The following LAMB4 variants were observed in gnomAD, a reference collection of about 807,000 sequenced individuals.
LAMB4 encodes the protein laminin subunit beta-4.
Under a neutral mutation model 199.2 loss-of-function variants are expected in LAMB4, and 196 were observed. The observed-to-expected ratio is 0.98, with a 90% CI of 0.88 to 1.11. The LOEUF (loss-of-function observed/expected upper bound fraction) is 1.11. LAMB4 is among the 50% of genes least tolerant of loss of function. The pLI is 0.00. For synonymous variants in LAMB4, 744 were observed against 770.6 expected (o/e 0.97, Z 0.57); for missense variants, 2,080 against 2,171.2 (o/e 0.96, Z 0.83).
intron 29 of LAMB4, 68 bp from the exon 30 acceptor site, chr7:108,037,663 C>A: frequency 3.3e-6 from 4 of 1,210,796 alleles, no homozygotes; most frequent in South Asian, 1.3e-5. Flanking sequence ...AAAAGTATAA[C>A]CACAATGATG....
Position 108,029,139 on chromosome 7 carries a change from C to T in LAMB4, c.5050G>A (p.Gly1684Arg). 6.2e-7 allele frequency: 1 copy of T among 1,613,844 alleles called. No individual in the cohort carries two copies. The highest frequency in any genetic ancestry group is 8.5e-7 in the Non-Finnish European group (1 of 1,179,920). The change falls in exon 33 of 34, where the codon GGA becomes AGA. Residue 1684 changes from glycine to arginine, a missense_variant. Gly to Arg is a moderately radical substitution (Grantham distance 125, BLOSUM62 -2). Coordinates refer to ENST00000388781, the MANE Select transcript of LAMB4 (RefSeq NM_007356.3). The part of the protein sequence containing the change: ...AILQRKTSTT[G>R]LTKETLGKVK... ...TTTCCTAATGTCTCCTTTGTTAGTCCTGTAGTGCTTGTCTTACGTTGGAGA... is the reference window on the plus strand; with the variant it reads ...TTTCCTAATGTCTCCTTTGTTAGTCTTGTAGTGCTTGTCTTACGTTGGAGA...
chr7:108,116,211 C>T (rs2038403094), intron 2 of LAMB4, 50 bp from the exon 3 acceptor site: 1 of 1,528,432 alleles, frequency 6.5e-7, no homozygotes. Context: ...AAGGACAGCA[C>T]AGGGCCTGCA....
At chr7:108,057,620 A>C (rs554971621) in intron 24 of LAMB4, among the ~76,000 whole-genome samples, 1 of 152,336 alleles carries the variant, frequency 6.6e-6, no homozygotes, top group East Asian at 1.9e-4. Flanking sequence ...ATTTTAATAT[A>C]GGCTAAATTT....
chr7:108,107,910 T>C, intron 5 of LAMB4, 91 bp from the exon 6 acceptor site: 1 of 913,238 alleles, frequency 1.1e-6, no homozygotes, highest in Non-Finnish European at 1.6e-6. Context: ...TAATTCCATT[T>C]TTAAAAACTT....
intron 29 of LAMB4, among the ~76,000 whole-genome samples, 167 bp downstream of exon 29, chr7:108,043,585 T>G (rs2035506952): frequency 1.5e-5 from 1 of 65,878 alleles, no homozygotes; most frequent in Non-Finnish European, 2.6e-5. Flanking sequence ...TTTTTTTTTT[T>G]TTTTTTTTTT....
At chr7:108,029,241 A>T (rs903389577) in intron 32 of LAMB4, 45 bp from the exon 33 acceptor site, 4 of 1,508,342 alleles carry the variant, frequency 2.7e-6, no homozygotes, top group Non-Finnish European at 2.7e-6. Flanking sequence ...TGTATAAAGC[A>T]TGTACATATA....
intron 31 of LAMB4, among the ~76,000 whole-genome samples, chr7:108,032,608 T>A (rs2035077358): frequency 6.6e-6 from 1 of 151,920 alleles, no homozygotes; most frequent in Non-Finnish European, 1.5e-5. Context: ...AAAATTGTGT[T>A]AGAGCCACAA....
At chr7:108,110,625 G>A (rs1470508414) in intron 4 of LAMB4, among the ~76,000 whole-genome samples, 3 of 152,168 alleles carry the variant, frequency 2.0e-5, no homozygotes, top group Non-Finnish European at 4.4e-5. Context: ...TCTCTAAGGT[G>A]CTTGGTTGAG....
intron 29 of LAMB4, among the ~76,000 whole-genome samples, chr7:108,039,570 GT>G (rs2035350191): frequency 6.6e-6 from 1 of 150,944 alleles, no homozygotes; most frequent in Non-Finnish European, 1.5e-5. Flanking sequence ...CTGGGTTCAA[GT>G]GATTCCCCTG....
rs1012270810 is a variant in LAMB4, at chr7:108,023,789, G to A, written c.*250C>T. 2.5e-5 allele frequency: 7 copies of A among 284,100 alleles called. No homozygotes were observed. The highest frequency in any genetic ancestry group is 1.5e-4 in the African/African-American group (7 of 46,008). 17.6% of individuals were successfully genotyped at this position (284,100 alleles called of 1,614,324 possible). A position where few individuals can be genotyped will look rare whatever the true frequency, so the allele number is the denominator to read the frequency against. ...ACTGTTATTTTTAAGTTAGGAAAGA[G>A]AAAGGAAGGTAAGAGGAAAAGTTTC... On this transcript the variant is annotated 3_prime_UTR_variant, in exon 34 of 34. Coordinates refer to ENST00000388781, the MANE Select transcript of LAMB4 (RefSeq NM_007356.3).
chr7:108,058,582 C>T (rs552192175), intron 23 of LAMB4, among the ~76,000 whole-genome samples: 2 of 152,224 alleles, frequency 1.3e-5, no homozygotes, highest in African/African-American at 4.8e-5. Flanking sequence ...GCTGCTTAAA[C>T]AACAACTCCG....
chr7:108,123,342 T>C, intron 1 of LAMB4, 145 bp from the exon 2 acceptor site: 1 of 418,580 alleles, frequency 2.4e-6, no homozygotes, highest in Non-Finnish European at 4.2e-6. Context: ...CCTCAAAAAA[T>C]AAGAGTGCAT....
intron 3 of LAMB4, 59 bp downstream of exon 3, chr7:108,115,945 G>C: frequency 6.4e-7 from 1 of 1,559,748 alleles, no homozygotes; most frequent in Non-Finnish European, 8.7e-7. Flanking sequence ...GGTGTACCTG[G>C]AAAAATCTAC....
intron 14 of LAMB4, among the ~76,000 whole-genome samples, chr7:108,090,372 G>A (rs1256796020): frequency 1.3e-5 from 2 of 151,774 alleles, no homozygotes; most frequent in African/African-American, 4.8e-5. Flanking sequence ...TTTTTCTTTT[G>A]TCATAGGTAT....
intron 2 of LAMB4, 124 bp from the exon 3 acceptor site, chr7:108,116,285 T>A: frequency 1.1e-6 from 1 of 951,812 alleles, no homozygotes. Flanking sequence ...TGTATCAGAC[T>A]TTTAAGTTTA....
intron 1 of LAMB4, among the ~76,000 whole-genome samples, chr7:108,125,111 GA>G (rs2038731192): frequency 6.6e-6 from 1 of 152,142 alleles, no homozygotes; most frequent in African/African-American, 2.4e-5. Flanking sequence ...CTACCTGTTG[GA>G]AAAGTCTGCA....
the LAMB4 span, among the ~76,000 whole-genome samples, chr7:108,017,201 T>G: frequency 6.6e-6 from 1 of 152,288 alleles, no homozygotes; most frequent in South Asian, 2.1e-4. Flanking sequence ...AGGCAGGTTG[T>G]TAGGGAGGGG....
intron 9 of LAMB4, 71 bp from the exon 10 acceptor site, chr7:108,103,303 GT>G: frequency 1.6e-6 from 2 of 1,281,070 alleles, no homozygotes; most frequent in Non-Finnish European, 2.1e-6. Context: ...CCCCGCACTG[GT>G]CAGGGCACCC....
chr7:108,108,189 A>C (rs1371444743), intron 5 of LAMB4, among the ~76,000 whole-genome samples: 2 of 152,168 alleles, frequency 1.3e-5, no homozygotes, highest in African/African-American at 4.8e-5. Context: ...TCAGCCTCCC[A>C]AAATGCTGGG....
Sources: gnomAD v4.1 joint callset for allele counts (sites outside exome capture counted in the v4.1 genomes callset) on GRCh38, gnomAD v4.1.1 for gene constraint, MANE v1.5 for transcripts, NCBI Gene and HGNC (gene_info 2026-07-23, HGNC 2026-07-21) for gene names.